Variants in UBE2E2 observed in about 807,000 individuals in gnomAD.
The protein encoded by UBE2E2 is ubiquitin-conjugating enzyme E2 E2.
A neutral mutation model predicts 24.7 loss-of-function variants in UBE2E2; 6 were observed. That is an observed-to-expected ratio of 0.24 (90% CI 0.13 to 0.48). The LOEUF is 0.48. Among genes scored for constraint, UBE2E2 ranks in the 20% least tolerant of loss-of-function variants. The pLI is 0.99. For synonymous variants in UBE2E2, 104 were observed against 83.6 expected (o/e 1.24, Z -1.33); for missense variants, 169 against 245.0 (o/e 0.69, Z 2.07).
chr3:23,554,556 C>T (rs1184745325), intron 5 of UBE2E2, among the ~76,000 whole-genome samples: 1 of 152,082 alleles, frequency 6.6e-6, no homozygotes, highest in Non-Finnish European at 1.5e-5. Flanking sequence ...TTATCTTACA[C>T]TATACACGAA....
chr3:23,539,876 T>C (rs890846757), intron 5 of UBE2E2, among the ~76,000 whole-genome samples: 5 of 152,080 alleles, frequency 3.3e-5, no homozygotes, highest in Admixed American at 1.3e-4. Context: ...ATAGGAAATA[T>C]TAGGTAAAAT....
chr3:23,484,944 T>C (rs1378154046), intron 3 of UBE2E2, among the ~76,000 whole-genome samples: 4 of 152,086 alleles, frequency 2.6e-5, no homozygotes, highest in Non-Finnish European at 4.4e-5. Context: ...AAGAAGAAAT[T>C]TGGGTGGGAA....
At chr3:23,582,158 T>C (rs1334460816) in intron 5 of UBE2E2, among the ~76,000 whole-genome samples, 1 of 152,232 alleles carries the variant, frequency 6.6e-6, no homozygotes, top group Non-Finnish European at 1.5e-5. Context: ...ATGCGGTATT[T>C]TGTTTTCTGT....
intron 3 of UBE2E2, among the ~76,000 whole-genome samples, chr3:23,240,785 A>G (rs983787595): frequency 1.3e-5 from 2 of 152,202 alleles, no homozygotes; most frequent in Non-Finnish European, 2.9e-5. Flanking sequence ...GGTCAAAATT[A>G]TTAATCCATT....
chr3:23,386,387 C>T (rs1696804629), intron 3 of UBE2E2, among the ~76,000 whole-genome samples: 1 of 152,094 alleles, frequency 6.6e-6, no homozygotes, highest in Admixed American at 6.6e-5. Context: ...GCCCCACCTC[C>T]GAATGCAATC....
At chr3:23,419,964 G>T (rs1363128785) in intron 3 of UBE2E2, among the ~76,000 whole-genome samples, 1 of 152,026 alleles carries the variant, frequency 6.6e-6, no homozygotes, top group East Asian at 1.9e-4. Flanking sequence ...GTTGGGTGTG[G>T]GACAAAATGC....
chr3:23,585,411 A>T (rs1267502245), intron 5 of UBE2E2, among the ~76,000 whole-genome samples: 1 of 151,364 alleles, frequency 6.6e-6, no homozygotes, highest in Non-Finnish European at 1.5e-5. Context: ...TATTAAACAG[A>T]TGAGGAAATG....
Position 23,568,099 on chromosome 3 carries a change from T to C in UBE2E2, c.509-21635T>C, listed in dbSNP as rs1696119353. Among the ~76,000 whole-genome samples the C allele has an allele frequency of 1.3e-5, 2 of 152,208 alleles. 1 individual carries two copies. Among genetic ancestry groups the C allele is most frequent in the East Asian group, 3.8e-4 (2 of 5,200 alleles). On this transcript the variant is annotated intron_variant, in intron 5 of 5. Transcript: ENST00000396703. ...ACCAGACTCCCTTGACCACAGTTTTTCCACAGTCAAAGGCAGGCAGAATGG... is the reference window on the plus strand; with the variant it reads ...ACCAGACTCCCTTGACCACAGTTTTCCCACAGTCAAAGGCAGGCAGAATGG...
At chr3:23,492,593 G>T (rs1289938965) in intron 3 of UBE2E2, among the ~76,000 whole-genome samples, 2 of 152,108 alleles carry the variant, frequency 1.3e-5, no homozygotes, top group African/African-American at 4.8e-5. Flanking sequence ...TTTATTTTCA[G>T]CTAGCTAATT....
intron 3 of UBE2E2, among the ~76,000 whole-genome samples, chr3:23,284,760 T>G (rs986713781): frequency 1.3e-5 from 2 of 151,728 alleles, no homozygotes; most frequent in Middle Eastern, 3.2e-3. Flanking sequence ...AGGTACACAA[T>G]GTATAATAAT....
intron 3 of UBE2E2, among the ~76,000 whole-genome samples, chr3:23,436,151 G>T (rs1214465132): frequency 6.6e-6 from 1 of 150,392 alleles, no homozygotes; most frequent in Non-Finnish European, 1.5e-5. Context: ...ACTGTTAGCA[G>T]TCTGTGGCCC....
At chr3:23,352,449 G>A (rs551912115) in intron 3 of UBE2E2, among the ~76,000 whole-genome samples, 604 of 152,240 alleles carry the variant, frequency 4.0e-3, no homozygotes, top group South Asian at 9.6e-3. Context: ...CCAGGAGCTG[G>A]TTTTTTGAAA....
At chr3:23,561,571 A>G (rs1244121890) in intron 5 of UBE2E2, among the ~76,000 whole-genome samples, 1 of 151,748 alleles carries the variant, frequency 6.6e-6, no homozygotes, top group East Asian at 1.9e-4. Context: ...TTTTGGTTCC[A>G]TATGAACTTT....
chr3:23,370,072 A>G (rs1157926130), intron 3 of UBE2E2, among the ~76,000 whole-genome samples: 1 of 152,158 alleles, frequency 6.6e-6, no homozygotes, highest in Non-Finnish European at 1.5e-5. Context: ...CAACGCAGTC[A>G]CCAGAACATG....
rs549184176 is a variant in UBE2E2 at position 23,261,032 on chromosome 3, G to C, written c.227+43720G>C. Among the ~76,000 whole-genome samples the C allele has an allele frequency of 3.9e-5, 6 of 152,270 alleles. No homozygotes were observed. The South Asian group carries it at 1.2e-3, about 32-fold the overall frequency. The stretch of plus-strand genomic sequence containing the variant: ...GTGGGAGGATCTCTTGAGCCCAGGA[G>C]GCCAAGGTTGCAATGAGTAGAGATT... On this transcript the variant is annotated intron_variant, in intron 3 of 5. Transcript: ENST00000396703.
intron 5 of UBE2E2, among the ~76,000 whole-genome samples, chr3:23,585,430 A>G (rs1182181323): frequency 6.6e-6 from 1 of 151,522 alleles, no homozygotes; most frequent in Non-Finnish European, 1.5e-5. Context: ...TGTGATTTAG[A>G]GGAAAGCTTT....
intron 5 of UBE2E2, among the ~76,000 whole-genome samples, chr3:23,548,197 A>G (rs188371544): frequency 4.0e-4 from 61 of 152,332 alleles, no homozygotes; most frequent in African/African-American, 1.4e-3. Flanking sequence ...ATCACGTCAG[A>G]GGTTACAGAA....
At chr3:23,230,940 A>G (rs1274336094) in intron 3 of UBE2E2, among the ~76,000 whole-genome samples, 1 of 152,162 alleles carries the variant, frequency 6.6e-6, no homozygotes, top group African/African-American at 2.4e-5. Flanking sequence ...CTGCTCTGTT[A>G]AAGTTAGAGG....
At chr3:23,349,521 C>T (rs151276869) in intron 3 of UBE2E2, among the ~76,000 whole-genome samples, 1 of 152,210 alleles carries the variant, frequency 6.6e-6, no homozygotes, top group Non-Finnish European at 1.5e-5. Flanking sequence ...AATTGGGTCA[C>T]TCCCATCCTA....
Sources: allele counts gnomAD v4.1 joint callset (sites outside exome capture counted in the v4.1 genomes callset), GRCh38; gene constraint gnomAD v4.1.1; transcripts MANE v1.5; gene names NCBI Gene and HGNC (gene_info 2026-07-23, HGNC 2026-07-21).